The following OPCML variants were observed in gnomAD, a reference collection of about 807,000 sequenced individuals.
OPCML encodes opioid binding protein/cell adhesion molecule like.
In OPCML, 13 loss-of-function variants were observed where a neutral mutation model predicts 37.8. That is an observed-to-expected ratio of 0.34 (90% confidence interval 0.22 to 0.55). The LOEUF is 0.55. OPCML is among the 20% of genes least tolerant of loss of function. The pLI, the probability that OPCML is intolerant of heterozygous loss-of-function variation, is 0.91. For synonymous variants in OPCML, 176 were observed against 168.8 expected (o/e 1.04, Z -0.33); for missense variants, 341 against 435.6 (o/e 0.78, Z 1.93).
At chr11:132,718,857 C>T (rs1047113661) in intron 2 of OPCML, among the ~76,000 whole-genome samples, 1 of 152,192 alleles carries the variant, frequency 6.6e-6, no homozygotes, top group Admixed American at 6.5e-5. Flanking sequence ...TTGACATCTC[C>T]TATTTTACAA....
intron 4 of OPCML, among the ~76,000 whole-genome samples, chr11:132,465,262 A>C (rs533973518): frequency 6.6e-6 from 1 of 152,184 alleles, no homozygotes; most frequent in Non-Finnish European, 1.5e-5. Context: ...ACTCATTAAA[A>C]TGTAGTGAAG....
intron 1 of OPCML, among the ~76,000 whole-genome samples, chr11:133,250,330 A>G (rs914365488): frequency 1.3e-5 from 2 of 152,126 alleles, no homozygotes; most frequent in Non-Finnish European, 2.9e-5. Flanking sequence ...TATCAGCCAA[A>G]CTATCAATCC....
At chr11:132,591,796 C>G (rs1232255783) in intron 3 of OPCML, among the ~76,000 whole-genome samples, 2 of 152,204 alleles carry the variant, frequency 1.3e-5, no homozygotes, top group African/African-American at 4.8e-5. Flanking sequence ...CCCTGCATCT[C>G]TGAGAAATAT....
chr11:132,965,534 T>G (rs758127869), intron 1 of OPCML, among the ~76,000 whole-genome samples: 10 of 152,030 alleles, frequency 6.6e-5, no homozygotes, highest in Non-Finnish European at 1.0e-4. Flanking sequence ...TGTTGTTTTT[T>G]GTTTGTTTGT....
chr11:132,942,385 A>G (rs567487717), intron 2 of OPCML, among the ~76,000 whole-genome samples: 2 of 152,286 alleles, frequency 1.3e-5, no homozygotes, highest in Admixed American at 1.3e-4. Context: ...ATAATTTACA[A>G]TAGGGACCCT....
intron 3 of OPCML, among the ~76,000 whole-genome samples, chr11:132,577,022 C>T (rs2096452638): frequency 6.6e-6 from 1 of 152,174 alleles, no homozygotes; most frequent in Non-Finnish European, 1.5e-5. Flanking sequence ...CCTTATCTCC[C>T]TTGGGTCTCT....
In OPCML at chr11:132,961,450, G is replaced by C. The variant is rs1017563641; in HGVS notation, c.62-18440C>G. ...TTTGATAGATAGCTTCAATGATGGG[G>C]AGGATGATGGACACATTTAAGGTGG... On this transcript the variant is annotated intron_variant, in intron 1 of 7. Coordinates refer to ENST00000524381, the MANE Select transcript of OPCML (RefSeq NM_001012393.5). Among the ~76,000 whole-genome samples, 4 of 152,322 alleles carry C rather than the reference G, an allele frequency of 2.6e-5. No homozygotes were observed. The East Asian group carries it at 7.7e-4, about 29-fold the overall frequency.
chr11:133,443,611 C>T (rs931045468), intron 1 of OPCML, among the ~76,000 whole-genome samples: 1 of 152,228 alleles, frequency 6.6e-6, no homozygotes, highest in African/African-American at 2.4e-5. Flanking sequence ...CCCTTCATTG[C>T]TGCAGTTAAC....
At chr11:133,395,635 G>C (rs1945269437) in intron 1 of OPCML, among the ~76,000 whole-genome samples, 1 of 152,124 alleles carries the variant, frequency 6.6e-6, no homozygotes, top group African/African-American at 2.4e-5. Flanking sequence ...ATTTATTGAA[G>C]AGACTATCTT....
chr11:133,344,030 C>T (rs1284673325), intron 1 of OPCML, among the ~76,000 whole-genome samples: 1 of 152,140 alleles, frequency 6.6e-6, no homozygotes, highest in Non-Finnish European at 1.5e-5. Context: ...AAGATTAAAC[C>T]CTGCGAGGAA....
intron 1 of OPCML, among the ~76,000 whole-genome samples, chr11:133,449,076 C>T (rs1382916494): frequency 2.0e-5 from 3 of 152,164 alleles, no homozygotes; most frequent in Admixed American, 2.0e-4. Context: ...TTCACATGTT[C>T]ATGATTATTT....
chr11:132,581,135 T>G (rs2096461283), intron 3 of OPCML, among the ~76,000 whole-genome samples: 1 of 152,156 alleles, frequency 6.6e-6, no homozygotes. Context: ...CTTGCCCCAA[T>G]TCAGGTAAAT....
At chr11:132,794,020 C>T (rs1422523551) in intron 2 of OPCML, among the ~76,000 whole-genome samples, 4 of 152,218 alleles carry the variant, frequency 2.6e-5, no homozygotes, top group African/African-American at 9.7e-5. Context: ...TCCACTCATG[C>T]CTCATCTTCT....
intron 2 of OPCML, among the ~76,000 whole-genome samples, chr11:132,865,491 C>T (rs1172333968): frequency 6.6e-6 from 1 of 152,228 alleles, no homozygotes; most frequent in East Asian, 1.9e-4. Context: ...CAGCTACCAT[C>T]ACTTCTAGGC....
chr11:132,748,182 T>C (rs1044531705), intron 2 of OPCML, among the ~76,000 whole-genome samples: 3 of 152,046 alleles, frequency 2.0e-5, no homozygotes, highest in African/African-American at 7.2e-5. Flanking sequence ...GTTTGATACT[T>C]GAGGGGATTT....
At chr11:133,301,464 G>A (rs1398500020) in intron 1 of OPCML, 1 of 152,188 alleles carries the variant, frequency 6.6e-6, no homozygotes, top group Non-Finnish European at 1.5e-5. Context: ...ATACGAATTT[G>A]AGGTTTGTTC....
intron 1 of OPCML, among the ~76,000 whole-genome samples, chr11:133,126,304 G>T (rs890079367): frequency 1.3e-5 from 2 of 152,078 alleles, no homozygotes; most frequent in Admixed American, 1.3e-4. Context: ...CTCTGTCTTT[G>T]TGTTCCACTC....
intron 1 of OPCML, among the ~76,000 whole-genome samples, chr11:133,124,783 T>C (rs1371311769): frequency 6.6e-6 from 1 of 152,180 alleles, no homozygotes; most frequent in East Asian, 1.9e-4. Flanking sequence ...ATTTTCCTCA[T>C]AGTCTCCTTG....
intron 1 of OPCML, among the ~76,000 whole-genome samples, chr11:133,095,010 T>C (rs1392161236): frequency 1.3e-5 from 2 of 152,000 alleles, no homozygotes; most frequent in African/African-American, 4.8e-5. Context: ...TGGAAAGTTA[T>C]CCCATCATAT....
Sources: allele counts gnomAD v4.1 joint callset (sites outside exome capture counted in the v4.1 genomes callset), GRCh38; gene constraint gnomAD v4.1.1; transcripts MANE v1.5; gene names NCBI Gene and HGNC (gene_info 2026-07-23, HGNC 2026-07-21).